Variants in MED13L observed in about 807,000 individuals in gnomAD.
The protein encoded by MED13L is mediator of RNA polymerase II transcription subunit 13-like.
Under a neutral mutation model 220.9 loss-of-function variants are expected in MED13L, and 7 were observed. That is an observed-to-expected ratio of 0.03 (90% CI 0.02 to 0.06). The LOEUF is 0.06. MED13L is among the 10% of genes least tolerant of loss of function. The pLI, the probability that MED13L is intolerant of heterozygous loss-of-function variation, is 1.00. For missense variants in MED13L, 1,965 were observed against 2,760.5 expected, an observed-to-expected ratio of 0.71 and a Z score of 6.46; for synonymous variants, 1,011 against 1,015.2, an observed-to-expected ratio of 1.00 and a Z score of 0.08.
intron 2 of MED13L, among the ~76,000 whole-genome samples, chr12:116,220,648 G>A (rs1403831569): frequency 2.0e-5 from 3 of 152,286 alleles, no homozygotes; most frequent in East Asian, 3.9e-4. Context: ...GCAGTGAGCC[G>A]AGATTGTGCC....
chr12:115,997,941 A>G (rs925241133), intron 14 of MED13L, among the ~76,000 whole-genome samples: 1 of 152,218 alleles, frequency 6.6e-6, no homozygotes, highest in African/African-American at 2.4e-5. Flanking sequence ...CAAAAAATAA[A>G]AATTGTTTGG....
chr12:116,080,026 T>C (rs956886623), intron 4 of MED13L, among the ~76,000 whole-genome samples: 7 of 152,122 alleles, frequency 4.6e-5, no homozygotes, highest in African/African-American at 1.2e-4. Context: ...TTGAGGTTTT[T>C]TTTTTTTTTT....
intron 1 of MED13L, chr12:116,276,352 GCGGATTCGT>G (rs1266733772): frequency 1.1e-4 from 82 of 727,072 alleles, no homozygotes; most frequent in Non-Finnish European, 1.5e-4. Flanking sequence ...GTGTGTGTGT[GCGGATTCGT>G]TGTTAGGATA....
intron 2 of MED13L, among the ~76,000 whole-genome samples, chr12:116,224,851 A>C (rs919671055): frequency 2.6e-5 from 4 of 151,974 alleles, no homozygotes; most frequent in Non-Finnish European, 5.9e-5. Flanking sequence ...CTAATTTTTT[A>C]ATTTTTTTGT....
chr12:116,192,704 C>T (rs1365661448), intron 2 of MED13L, among the ~76,000 whole-genome samples: 1 of 152,126 alleles, frequency 6.6e-6, no homozygotes, highest in Non-Finnish European at 1.5e-5. Context: ...AAAAAACAAC[C>T]CTGACCCTTA....
chr12:116,008,000 A>G, intron 10 of MED13L: 1 of 329,952 alleles, frequency 3.0e-6, no homozygotes, highest in Non-Finnish European at 5.5e-6. Flanking sequence ...GGCTCAAAAG[A>G]GCTATAAATA....
chr12:116,239,128 C>G (rs1437347278), intron 1 of MED13L, among the ~76,000 whole-genome samples: 2 of 151,662 alleles, frequency 1.3e-5, no homozygotes, highest in South Asian at 2.1e-4. Flanking sequence ...TTTCAAAAAA[C>G]AAAAACAAAC....
chr12:115,996,870 G>T, intron 15 of MED13L, 140 bp downstream of exon 15: 1 of 1,045,134 alleles, frequency 9.6e-7, no homozygotes, highest in Non-Finnish European at 1.5e-6. Context: ...ATGCCTGCTG[G>T]TGTGCCTCAT....
chr12:116,171,949 G>A (rs1274897284), intron 2 of MED13L, among the ~76,000 whole-genome samples: 2 of 152,146 alleles, frequency 1.3e-5, no homozygotes, highest in African/African-American at 4.8e-5. Flanking sequence ...AATACTCGCT[G>A]TCCCTCTCAG....
chr12:116,062,879 G>C (rs896420123), intron 4 of MED13L, among the ~76,000 whole-genome samples: 6 of 152,184 alleles, frequency 3.9e-5, no homozygotes, highest in South Asian at 4.1e-4. Context: ...CTGGCTGAAA[G>C]CTGCTTTCTC....
At chr12:116,039,799 T>G (rs774200713) in intron 4 of MED13L, among the ~76,000 whole-genome samples, 8 of 151,940 alleles carry the variant, frequency 5.3e-5, no homozygotes, top group Non-Finnish European at 1.0e-4. Flanking sequence ...GAAACAGGGC[T>G]GACATGACAC....
chr12:115,987,318 G>C (rs565179827), intron 17 of MED13L, 30 bp from the exon 18 acceptor site: 5 of 1,600,964 alleles, frequency 3.1e-6, no homozygotes, highest in Non-Finnish European at 4.3e-6. Flanking sequence ...AAACAGAGAA[G>C]ATAAGGGGGC....
At chr12:116,209,438 T>A (rs1882557773) in intron 2 of MED13L, among the ~76,000 whole-genome samples, 1 of 152,172 alleles carries the variant, frequency 6.6e-6, no homozygotes, top group Non-Finnish European at 1.5e-5. Context: ...TATCCCTTCA[T>A]GCCTTTGTTT....
At chr12:116,043,325 C>G (rs1212862560) in intron 4 of MED13L, among the ~76,000 whole-genome samples, 6 of 152,214 alleles carry the variant, frequency 3.9e-5, no homozygotes, top group Admixed American at 2.6e-4. Flanking sequence ...CTTCCACTTT[C>G]AGTCAAGATC....
At chr12:116,237,296 A>G (rs557862952) in intron 2 of MED13L, among the ~76,000 whole-genome samples, 172 bp downstream of exon 2, 14 of 151,444 alleles carry the variant, frequency 9.2e-5, no homozygotes, top group Admixed American at 3.3e-4. Context: ...AAGAGTTAGG[A>G]AAAAAAAACA....
intron 4 of MED13L, among the ~76,000 whole-genome samples, chr12:116,050,022 G>A (rs1415792685): frequency 1.3e-5 from 2 of 152,128 alleles, no homozygotes; most frequent in Non-Finnish European, 2.9e-5. Context: ...GTTCTTGGAA[G>A]GATCAAATAT....
rs370845670 is a variant in MED13L at position 116,221,000 on chromosome 12, G to A, written c.310+16468C>T. Among the ~76,000 whole-genome samples the A allele has an allele frequency of 1.4e-4, 21 of 152,198 alleles. No homozygotes were observed. The East Asian group carries it at 3.3e-3, about 24-fold the overall frequency. On this transcript the variant is annotated intron_variant, in intron 2 of 30. Transcript: ENST00000281928. Reference sequence around the variant, plus strand: ...AGTTAACAATCTCGATGCGGTAAAAGCTGCCACTTATTTGATAACTACTAA... The same window carrying A: ...AGTTAACAATCTCGATGCGGTAAAAACTGCCACTTATTTGATAACTACTAA...
Position 116,152,613 on chromosome 12 carries a change from A to C in MED13L, c.311-41101T>G, listed in dbSNP as rs78047687. ...TGGAATCACAGGACTCAGTCTTTAC[A>C]AAAACCCAATGGCGTGGGGGGGAAA... On this transcript the variant is annotated intron_variant, in intron 2 of 30. Transcript: ENST00000281928. Among the ~76,000 whole-genome samples, 328 of 152,306 alleles carry C rather than the reference A, an allele frequency of 2.2e-3. 3 individuals carry two copies. The highest frequency in any genetic ancestry group is 7.7e-3 in the African/African-American group (318 of 41,566).
chr12:116,247,180 C>A (rs1871172482), intron 1 of MED13L, among the ~76,000 whole-genome samples: 1 of 151,486 alleles, frequency 6.6e-6, no homozygotes, highest in Non-Finnish European at 1.5e-5. Flanking sequence ...TTCTTATAAA[C>A]CTTGTAGACC....
Sources: gnomAD v4.1 joint callset for allele counts (sites outside exome capture counted in the v4.1 genomes callset) on GRCh38, gnomAD v4.1.1 for gene constraint, MANE v1.5 for transcripts, NCBI Gene and HGNC (gene_info 2026-07-23, HGNC 2026-07-21) for gene names.